The following ALPK3 variants were observed in gnomAD, a reference collection of about 807,000 sequenced individuals.
ALPK3 encodes alpha-protein kinase 3.
Under a neutral mutation model 140.0 loss-of-function variants are expected in ALPK3, and 102 were observed. The ratio of observed to expected loss-of-function variants is 0.73; its 90% CI spans 0.62 to 0.86. ALPK3 has a LOEUF of 0.86. Ranked by LOEUF, ALPK3 falls within the 40% of genes least tolerant of loss-of-function variation. The pLI, the probability that ALPK3 is intolerant of heterozygous loss-of-function variation, is 0.00. For synonymous variants in ALPK3, 938 were observed against 898.5 expected (o/e 1.04, Z -0.79); for missense variants, 2,254 against 2,208.2 (o/e 1.02, Z -0.42).
At chr15:84,844,055 C>T (rs779573827) in intron 5 of ALPK3, among the ~76,000 whole-genome samples, 5 of 152,080 alleles carry the variant, frequency 3.3e-5, no homozygotes, top group Non-Finnish European at 7.4e-5. Flanking sequence ...ATGGTGAAAC[C>T]CTGTCTCTAC....
At chr15:84,848,003 G>A (rs1963752342) in intron 5 of ALPK3, among the ~76,000 whole-genome samples, 1 of 151,626 alleles carries the variant, frequency 6.6e-6, no homozygotes, top group Admixed American at 6.6e-5. Context: ...CAGAGGTTGT[G>A]GTGAACTGAG....
intron 5 of ALPK3, among the ~76,000 whole-genome samples, chr15:84,844,070 A>G (rs969973767): frequency 6.6e-6 from 1 of 152,172 alleles, no homozygotes; most frequent in African/African-American, 2.4e-5. Flanking sequence ...CTCTACTAAC[A>G]ATACAAAAAT....
chr15:84,836,313 T>C (rs7164817), intron 3 of ALPK3, among the ~76,000 whole-genome samples: 73,760 of 152,014 alleles, frequency 0.49, 19,798 homozygotes, highest in East Asian at 0.79. Context: ...AACAAAGGGG[T>C]ACCATGATCT....
At position 84,867,466 on chromosome 15, in the gene ALPK3, G is replaced by C. The variant is rs867131670; in HGVS notation, c.4772+101G>C. On this transcript the variant is annotated intron_variant, in intron 13 of 13. Transcript: ENST00000258888. ...TCCATCCCTGAGGTGCTGGGCCTGG[G>C]GCCAAGTGGTCCCAGACACACCCAT... 7.1e-6 allele frequency: 10 copies of C among 1,401,850 alleles called. No homozygotes were observed. The Middle Eastern group carries it at 7.9e-4, about 111-fold the overall frequency. 86.8% of individuals were successfully genotyped at this position (1,401,850 alleles called of 1,614,324 possible).
At position 84,872,004 on chromosome 15, in the gene ALPK3, G is replaced by A. The variant is rs1207183973; in HGVS notation, c.*3548G>A. The A allele has an allele frequency of 6.6e-6, 1 of 152,456 alleles. No homozygotes were observed. The highest frequency in any genetic ancestry group is 1.9e-4 in the East Asian group (1 of 5,192). 9.4% of individuals were successfully genotyped at this position (152,456 alleles called of 1,614,324 possible). ...ATTACTGCCCCTCTCAGAGCCACAGGTGTAGACAGGTGAAAACACTGGACA... is the reference window on the plus strand; with the variant it reads ...ATTACTGCCCCTCTCAGAGCCACAGATGTAGACAGGTGAAAACACTGGACA... On this transcript the variant is annotated 3_prime_UTR_variant, in exon 14 of 14. Coordinates refer to ENST00000258888, the MANE Select transcript of ALPK3 (RefSeq NM_020778.5).
At chr15:84,819,112 A>G (rs560277112) in intron 1 of ALPK3, among the ~76,000 whole-genome samples, 1 of 152,312 alleles carries the variant, frequency 6.6e-6, no homozygotes, top group Admixed American at 6.5e-5. Context: ...GCTTTTAGGA[A>G]AAGGGCTGGA....
chr15:84,844,721 G>A (rs8033530), intron 5 of ALPK3, among the ~76,000 whole-genome samples: 1,786 of 152,258 alleles, frequency 0.012, 41 homozygotes, highest in African/African-American at 0.041. Context: ...GCTGGGTGTG[G>A]TGATGCACAT....
chr15:84,838,451 A>C (rs1468696554), intron 3 of ALPK3, among the ~76,000 whole-genome samples: 1 of 151,938 alleles, frequency 6.6e-6, no homozygotes, highest in African/African-American at 2.4e-5. Context: ...GCTGAAGGGG[A>C]ATTGTTTTCA....
Position 84,864,567 on chromosome 15 carries a change from C to T in ALPK3, c.4625C>T (p.Thr1542Ile). 6.2e-7 allele frequency: 1 copy of T among 1,614,268 alleles called. No homozygotes were observed. The highest frequency in any genetic ancestry group is 1.3e-5 in the African/African-American group (1 of 75,066). Residue 1542 changes from threonine to isoleucine, a missense_variant, in exon 12 of 14, where the codon ACA (threonine) becomes ATA (isoleucine). By Grantham distance (89) the Thr-to-Ile change is moderately conservative. Transcript: ENST00000258888. ...SREWGCAEAP[T>I]ASGSSEAMQK... The stretch of plus-strand genomic sequence containing the variant: ...GAATGGGGCTGTGCTGAGGCTCCGA[C>T]AGCATCTGGCAGCTCTGAGGCCATG...
rs903822271 is a variant in ALPK3, at chr15:84,863,450, C to T, written c.4411-102C>T. ...CCTCCCCCAGGGCTGGAATCCTCCT[C>T]TCAGTCCCCTAACAGAATAGGTAGC... On this transcript the variant is annotated intron_variant, in intron 10 of 13. Transcript: ENST00000258888. 3 of 1,007,494 alleles carry T rather than the reference C, an allele frequency of 3.0e-6. No individual in the cohort carries two copies. In the South Asian group the frequency reaches 4.9e-5, roughly 16 times the overall value. The allele number at this position is 1,007,494 out of a possible 1,614,324, so 62.4% of individuals were successfully genotyped here.
chr15:84,838,168 C>T (rs950340257), intron 3 of ALPK3, among the ~76,000 whole-genome samples: 5 of 152,100 alleles, frequency 3.3e-5, no homozygotes, highest in Non-Finnish European at 4.4e-5. Context: ...AATGAATGAA[C>T]GGGTGGACAG....
chr15:84,856,974 G>C lies in ALPK3; in HGVS notation c.2236G>C (p.Gly746Arg). 6.2e-7 allele frequency: 1 copy of C among 1,614,088 alleles called. No homozygotes were observed. Among genetic ancestry groups the C allele is most frequent in the Non-Finnish European group, 8.5e-7 (1 of 1,180,020 alleles). Reference sequence around the variant, plus strand: ...AACCCCCAAACTCCCACCTACAGCGGGTCCTAGAGCTCCTCTGAATATTGA... The same window carrying C: ...AACCCCCAAACTCCCACCTACAGCGCGTCCTAGAGCTCCTCTGAATATTGA... Reference protein sequence around the residue: ...SRTPKLPPTAGPRAPLNIECF... With the variant: ...SRTPKLPPTARPRAPLNIECF... Residue 746 changes from glycine to arginine, a missense_variant, in exon 6 of 14, where the codon GGT becomes CGT. Around this residue, in one of 3 missense-constraint regions of ALPK3, gnomAD observed 2,088 missense variants for 2,022.9 expected, o/e 1.03. Transcript: ENST00000258888.
At chr15:84,851,423 T>C (rs1347817735) in intron 5 of ALPK3, among the ~76,000 whole-genome samples, 2 of 152,186 alleles carry the variant, frequency 1.3e-5, no homozygotes, top group Admixed American at 6.5e-5. Flanking sequence ...TTTCCTTATA[T>C]ATTTTCATTT....
chr15:84,864,282 CA>C (rs1368298097), intron 11 of ALPK3, among the ~76,000 whole-genome samples, 159 bp from the exon 12 acceptor site: 4 of 152,180 alleles, frequency 2.6e-5, no homozygotes, highest in African/African-American at 9.7e-5. Context: ...TTCCCAAACT[CA>C]GGGTGGAGCT....
intron 13 of ALPK3, 52 bp from the exon 14 acceptor site, chr15:84,868,059 G>A: frequency 6.4e-7 from 1 of 1,553,056 alleles, no homozygotes; most frequent in South Asian, 1.2e-5. Flanking sequence ...GCCCCCCAAG[G>A]AACTGTGTCT....
chr15:84,846,212 G>C (rs1252155611), intron 5 of ALPK3, among the ~76,000 whole-genome samples: 2 of 152,194 alleles, frequency 1.3e-5, no homozygotes, highest in Non-Finnish European at 2.9e-5. Flanking sequence ...CCAAGACAAA[G>C]ATGTTAATAC....
rs1338997447 is a variant in ALPK3, at chr15:84,864,430, A to G, written c.4500-12A>G. Reference sequence around the variant, plus strand: ...ATACTTCCTGCTTACTGCAGGGTGAAACTATGTTTAGGATCATCCCACTGT... The same window carrying G: ...ATACTTCCTGCTTACTGCAGGGTGAGACTATGTTTAGGATCATCCCACTGT... On this transcript the variant is annotated splice_polypyrimidine_tract_variant and intron_variant, in intron 11 of 13. Transcript: ENST00000258888. The G allele has an allele frequency of 6.2e-6, 10 of 1,610,562 alleles. No homozygotes were observed. Among genetic ancestry groups the G allele is most frequent in the Middle Eastern group, 3.3e-4 (2 of 6,058 alleles).
Position 84,840,410 on chromosome 15 carries a change from G to T in ALPK3, c.1131G>T (p.Gly377=). 2 of 1,613,926 alleles carry T rather than the reference G, an allele frequency of 1.2e-6. No homozygotes were observed. Among genetic ancestry groups the T allele is most frequent in the Non-Finnish European group, 1.7e-6 (2 of 1,179,906 alleles). ...QTQPRGRAAR[G]PGSSGTDSTR... Reference sequence around the variant, plus strand: ...AGCCCAGAGGCAGGGCTGCACGGGGGCCTGGGTCCTCTGGCACAGATAGTA... The same window carrying T: ...AGCCCAGAGGCAGGGCTGCACGGGGTCCTGGGTCCTCTGGCACAGATAGTA... The change falls in exon 5 of 14, where the codon GGG becomes GGT. Residue 377 remains glycine (G), a synonymous_variant. Coordinates refer to ENST00000258888, the MANE Select transcript of ALPK3 (RefSeq NM_020778.5).
rs1057523686 is a variant in ALPK3 at position 84,817,443 on chromosome 15, G to A, written c.-10G>A. 2.3e-6 allele frequency: 3 copies of A among 1,298,938 alleles called. No individual in the cohort carries two copies. The African/African-American group carries it at 4.7e-5, about 20-fold the overall frequency. The allele number at this position is 1,298,938 out of a possible 1,614,324, so 80.5% of individuals were successfully genotyped here. Reference sequence around the variant, plus strand: ...CGAGTGCGGGGCCGGCGGTCGGGGAGGGCGGTGCCATGGGGTCGCGGAGGG... The same window carrying A: ...CGAGTGCGGGGCCGGCGGTCGGGGAAGGCGGTGCCATGGGGTCGCGGAGGG... On this transcript the variant is annotated 5_prime_UTR_variant, in exon 1 of 14. Transcript: ENST00000258888.
Sources: gnomAD v4.1 joint callset for allele counts (sites outside exome capture counted in the v4.1 genomes callset) on GRCh38, gnomAD v4.1.1 for gene constraint, gnomAD v4.1.1 regional missense constraint, MANE v1.5 for transcripts, NCBI Gene and HGNC (gene_info 2026-07-23, HGNC 2026-07-21) for gene names.